Variants in FOXK2 observed in about 807,000 individuals in gnomAD.
The protein encoded by FOXK2 is forkhead box K2.
FOXK2 carries 24 observed loss-of-function variants against 53.3 expected under a neutral mutation model. The ratio of observed to expected loss-of-function variants is 0.45; its 90% CI spans 0.33 to 0.63. The LOEUF is 0.63. Ranked by LOEUF, FOXK2 falls within the 30% of genes least tolerant of loss-of-function variation. The pLI is 0.03. For synonymous variants in FOXK2, 505 were observed against 407.1 expected, an observed-to-expected ratio of 1.24 and a Z score of -2.89; for missense variants, 952 against 910.5, an observed-to-expected ratio of 1.05 and a Z score of -0.59.
chr17:82,534,369 TGTC>T (rs1479309466), intron 1 of FOXK2, among the ~76,000 whole-genome samples: 4 of 152,192 alleles, frequency 2.6e-5, no homozygotes, highest in Non-Finnish European at 4.4e-5. Flanking sequence ...GCACATGACT[TGTC>T]GTACTGCTTG....
chr17:82,577,291 GT>G, intron 4 of FOXK2: 1 of 1,197,408 alleles, frequency 8.4e-7, no homozygotes, highest in Non-Finnish European at 1.2e-6. Context: ...ACTGGAACTC[GT>G]TATCCATGAT....
intron 1 of FOXK2, among the ~76,000 whole-genome samples, chr17:82,535,235 ATC>A (rs796146513): frequency 2.0e-4 from 31 of 152,190 alleles, no homozygotes; most frequent in African/African-American, 7.5e-4. Flanking sequence ...CCAGTCGCTT[ATC>A]TCTTGCTGCT....
chr17:82,560,018 T>C (rs2044775723), intron 1 of FOXK2, among the ~76,000 whole-genome samples: 1 of 147,926 alleles, frequency 6.8e-6, no homozygotes, highest in African/African-American at 2.5e-5. Context: ...TTTTTTTTTT[T>C]TTTTTTTAAT....
At chr17:82,555,384 T>C (rs1326249338) in intron 1 of FOXK2, among the ~76,000 whole-genome samples, 1 of 152,208 alleles carries the variant, frequency 6.6e-6, no homozygotes, top group Admixed American at 6.6e-5. Context: ...TGCGGCTCTT[T>C]TTAGTGTCAT....
At chr17:82,581,858 G>A (rs1049454098) in intron 4 of FOXK2, among the ~76,000 whole-genome samples, 3 of 152,088 alleles carry the variant, frequency 2.0e-5, no homozygotes, top group Non-Finnish European at 4.4e-5. Flanking sequence ...GAGCCGCTGC[G>A]CCCGTCTGGC....
chr17:82,569,957 C>G (rs899590571), intron 3 of FOXK2, among the ~76,000 whole-genome samples: 1 of 148,936 alleles, frequency 6.7e-6, no homozygotes, highest in Non-Finnish European at 1.5e-5. Context: ...CGCAGTGGCT[C>G]ACGCCTGTAA....
chr17:82,564,373 G>T (rs184712387), intron 2 of FOXK2, among the ~76,000 whole-genome samples: 234 of 149,370 alleles, frequency 1.6e-3, no homozygotes, highest in African/African-American at 5.7e-3. Context: ...TACCACAGCT[G>T]GCTGGTTTTT....
At chr17:82,583,548 A>G (rs971948470) in intron 5 of FOXK2, among the ~76,000 whole-genome samples, 1 of 152,294 alleles carries the variant, frequency 6.6e-6, no homozygotes, top group African/African-American at 2.4e-5. Context: ...ACTCCGTCTC[A>G]AAACAAAAAT....
At chr17:82,587,571 CGGGA>C (rs1454245441) in intron 8 of FOXK2, 232 of 425,262 alleles carry the variant, frequency 5.5e-4, no homozygotes, top group Non-Finnish European at 8.9e-4. Context: ...CCTGAAACGG[CGGGA>C]GCCGCCGCGT....
intron 1 of FOXK2, among the ~76,000 whole-genome samples, chr17:82,557,167 G>T (rs1251272860): frequency 6.6e-6 from 1 of 151,166 alleles, no homozygotes; most frequent in Non-Finnish European, 1.5e-5. Flanking sequence ...CAAGTAGCTG[G>T]GATTACAGGC....
At chr17:82,594,167 CGTA>C (rs1420413760) in intron 8 of FOXK2, among the ~76,000 whole-genome samples, 1 of 152,196 alleles carries the variant, frequency 6.6e-6, no homozygotes, top group African/African-American at 2.4e-5. Flanking sequence ...AGTGTTATGA[CGTA>C]GGTTGCCTGT....
At chr17:82,577,382 A>G (rs2045000876) in intron 4 of FOXK2, 4 of 555,924 alleles carry the variant, frequency 7.2e-6, no homozygotes, top group African/African-American at 2.0e-5. Flanking sequence ...CTCTTCTTCT[A>G]AGGTGTCCAT....
chr17:82,563,641 G>C (rs576770102), intron 2 of FOXK2, 93 bp downstream of exon 2: 139 of 1,133,864 alleles, frequency 1.2e-4, no homozygotes, highest in Non-Finnish European at 1.5e-4. Flanking sequence ...GACTTATGTG[G>C]AGAGAGAGAA....
In FOXK2 at chr17:82,591,493, G is replaced by A. The variant is rs185269680; in HGVS notation, c.1786+4221G>A. On this transcript the variant is annotated intron_variant, in intron 8 of 8. Coordinates refer to ENST00000335255, the MANE Select transcript of FOXK2 (RefSeq NM_004514.4). ...AAGGCCTGGAGGAGATGGAAGCCGG[G>A]AGGCTTCCTCTTACAGGAAGGGAAG... 2.2e-4 allele frequency among the ~76,000 whole-genome samples: 33 copies of A among 152,284 alleles called. No homozygotes were observed. In the East Asian group the frequency reaches 3.7e-3, roughly 17 times the overall value.
intron 1 of FOXK2, among the ~76,000 whole-genome samples, chr17:82,538,286 G>A (rs562633524): frequency 2.0e-5 from 3 of 152,116 alleles, no homozygotes; most frequent in Non-Finnish European, 4.4e-5. Context: ...CCAGGAGTTC[G>A]AGACCAGCCT....
intron 1 of FOXK2, among the ~76,000 whole-genome samples, chr17:82,525,533 A>G (rs1052461218): frequency 1.1e-4 from 17 of 152,186 alleles, no homozygotes; most frequent in Middle Eastern, 3.4e-3. Flanking sequence ...TGATTAGTAA[A>G]GTGTTTTTTA....
intron 1 of FOXK2, among the ~76,000 whole-genome samples, chr17:82,532,518 T>C (rs2044481668): frequency 6.8e-6 from 1 of 147,284 alleles, no homozygotes; most frequent in South Asian, 2.2e-4. Context: ...CTTAACATAC[T>C]ATAATTTTTT....
chr17:82,555,885 C>CAAAAAAAAAAAAAAAAAAAAA (rs71168116), intron 1 of FOXK2, among the ~76,000 whole-genome samples: 2 of 74,216 alleles, frequency 2.7e-5, no homozygotes, highest in African/African-American at 5.4e-5. Context: ...GACTCTATCA[C>CAAAAAAAAAAAAAAAAAAAAA]AAAAAAAAAA....
At chr17:82,522,826 C>T (rs772232257) in intron 1 of FOXK2, among the ~76,000 whole-genome samples, 7 of 151,942 alleles carry the variant, frequency 4.6e-5, no homozygotes, top group African/African-American at 1.2e-4. Flanking sequence ...GACGGAGTCT[C>T]GCTCTGTTGC....
Sources: allele counts gnomAD v4.1 joint callset (sites outside exome capture counted in the v4.1 genomes callset), GRCh38; gene constraint gnomAD v4.1.1; transcripts MANE v1.5; gene names NCBI Gene and HGNC (gene_info 2026-07-23, HGNC 2026-07-21).